Variants in SMAD4 observed in about 807,000 individuals in gnomAD.
SMAD4 encodes MAD homolog 4.
A neutral mutation model predicts 63.2 loss-of-function variants in SMAD4; 7 were observed. The ratio of observed to expected loss-of-function variants is 0.11; its 90% CI spans 0.06 to 0.21. The LOEUF is 0.21. Among genes scored for constraint, SMAD4 ranks in the 10% least tolerant of loss-of-function variants. SMAD4 has a pLI of 1.00. For missense variants in SMAD4, 312 were observed against 693.8 expected (o/e 0.45, Z 6.18); for synonymous variants, 215 against 235.4 (o/e 0.91, Z 0.79).
chr18:51,056,101 T>A (rs896621849), intron 5 of SMAD4, among the ~76,000 whole-genome samples: 8 of 152,222 alleles, frequency 5.3e-5, no homozygotes, highest in Non-Finnish European at 1.2e-4. Context: ...AGAACCCAGT[T>A]CCTTAATCAC....
chr18:51,054,860 A>T lies in SMAD4; in HGVS notation c.534A>T (p.Ser178=). The stretch of plus-strand genomic sequence containing the variant: ...CATCGTTGTCCACTGAAGGACATTC[A>T]ATTCAAACCATCCAGCATCCACCAA... ...GQPSLSTEGH[S]IQTIQHPPSN... The change falls in exon 5 of 12, where the codon TCA becomes TCT. Residue 178 remains serine, a synonymous_variant. Coordinates refer to ENST00000342988, the MANE Select transcript of SMAD4 (RefSeq NM_005359.6). 6.2e-7 allele frequency: 1 copy of T among 1,614,118 alleles called. No individual in the cohort carries two copies. Among genetic ancestry groups the T allele is most frequent in the Non-Finnish European group, 8.5e-7 (1 of 1,179,936 alleles).
Position 51,080,692 on chromosome 18 carries a change from C to G in SMAD4, c.*2225C>G, listed in dbSNP as rs1910592080. 1 of 175,016 alleles carries G rather than the reference C, an allele frequency of 5.7e-6. No individual in the cohort carries two copies. The highest frequency in any genetic ancestry group is 2.4e-5 in the African/African-American group (1 of 42,194). The allele number at this position is 175,016 out of a possible 1,614,324, so 10.8% of individuals were successfully genotyped here. ...TGGTAGCTAGGATTACAGGTGCCCG[C>G]CACCATGCCTGGCTAACTTTTGTAG... On this transcript the variant is annotated 3_prime_UTR_variant, in exon 12 of 12. Coordinates refer to ENST00000342988, the MANE Select transcript of SMAD4 (RefSeq NM_005359.6).
rs77337149 is a variant in SMAD4, at chr18:51,046,874, C to T, written c.-127-46C>T. 6.3e-3 allele frequency: 3,846 copies of T among 611,026 alleles called. 99 individuals carry two copies. The highest frequency in any genetic ancestry group is 0.054 in the African/African-American group (2,919 of 53,916). 37.9% of individuals were successfully genotyped at this position (611,026 alleles called of 1,614,324 possible). A position where few individuals can be genotyped will look rare whatever the true frequency, so the allele number is the denominator to read the frequency against. On this transcript the variant is annotated intron_variant, in intron 1 of 11. Transcript: ENST00000342988. ...TTTTCCCAAGTAGTCAGATCTACTT[C>T]GTAAAATGTGTTCTGATGTGTGTCT...
intron 7 of SMAD4, among the ~76,000 whole-genome samples, chr18:51,059,446 C>T (rs1909945075): frequency 6.6e-6 from 1 of 152,184 alleles, no homozygotes; most frequent in Admixed American, 6.5e-5. Flanking sequence ...TACCAGTTTT[C>T]AATTATGTTA....
chr18:51,044,150 G>A (rs887952047), intron 1 of SMAD4, among the ~76,000 whole-genome samples: 3 of 151,650 alleles, frequency 2.0e-5, no homozygotes, highest in Admixed American at 2.0e-4. Flanking sequence ...CCTCTTTCCC[G>A]ATTCCTTTCC....
At chr18:51,047,381 A>G (rs1468076926) in intron 2 of SMAD4, 86 bp downstream of exon 2, 2 of 1,216,288 alleles carry the variant, frequency 1.6e-6, no homozygotes, top group East Asian at 2.3e-5. Flanking sequence ...CTACAGGGTA[A>G]TTTAATTTGT....
At chr18:51,075,966 T>C (rs569481561) in intron 10 of SMAD4, among the ~76,000 whole-genome samples, 22 of 152,274 alleles carry the variant, frequency 1.4e-4, no homozygotes, top group South Asian at 6.2e-4. Flanking sequence ...GCCTTTTTTT[T>C]CCTTAAAAAT....
intron 5 of SMAD4, among the ~76,000 whole-genome samples, chr18:51,055,203 C>T (rs1909811173): frequency 6.6e-6 from 1 of 152,108 alleles, no homozygotes; most frequent in African/African-American, 2.4e-5. Context: ...AATTAATGAT[C>T]TGATTTATAC....
chr18:51,054,468 T>C, intron 4 of SMAD4: 1 of 344,144 alleles, frequency 2.9e-6, no homozygotes, highest in East Asian at 6.8e-5. Context: ...TAGGTGATTA[T>C]TCTTCTAGGT....
At chr18:51,037,799 T>C (rs954167395) in intron 1 of SMAD4, among the ~76,000 whole-genome samples, 2 of 152,190 alleles carry the variant, frequency 1.3e-5, no homozygotes, top group Admixed American at 6.5e-5. Flanking sequence ...ATTTGAGTAT[T>C]TGGCAGGTAA....
Position 51,082,218 on chromosome 18 carries a change from A to ATT in SMAD4, c.*3759_*3760dup, listed in dbSNP as rs202070730. On this transcript the variant is annotated 3_prime_UTR_variant, in exon 12 of 12. Coordinates refer to ENST00000342988, the MANE Select transcript of SMAD4 (RefSeq NM_005359.6). ...GGGTACACTCAGCTTAAAGTAATGC[A>ATT]TTTTTTTTTCCCGTAAAGGCAGAAT... 1 of 227,674 alleles carries ATT rather than the reference A, an allele frequency of 4.4e-6. No individual in the cohort carries two copies. Among genetic ancestry groups the ATT allele is most frequent in the Non-Finnish European group, 8.7e-6 (1 of 114,866 alleles). The allele number at this position is 227,674 out of a possible 1,614,324, so 14.1% of individuals were successfully genotyped here.
chr18:51,076,401 G>A (rs936563300), intron 10 of SMAD4, among the ~76,000 whole-genome samples: 2 of 152,152 alleles, frequency 1.3e-5, no homozygotes, highest in African/African-American at 2.4e-5. Flanking sequence ...AAGATACAGA[G>A]GCGTGTGGCA....
At chr18:51,053,531 TTGGAA>T (rs753890764) in intron 4 of SMAD4, 9 of 152,176 alleles carry the variant, frequency 5.9e-5, no homozygotes, top group Non-Finnish European at 1.0e-4. Flanking sequence ...AAGAGGAACT[TTGGAA>T]TGGGATTTAT....
chr18:51,046,844 T>G, intron 1 of SMAD4, 76 bp from the exon 2 acceptor site: 1 of 547,712 alleles, frequency 1.8e-6, no homozygotes, highest in South Asian at 2.7e-5. Flanking sequence ...CAGAGCAATT[T>G]CATCTTTTCC....
rs1257488246 is a variant in SMAD4 at position 51,084,008 on chromosome 18, G to GCC, written c.*5542_*5543insCC. The GCC allele has an allele frequency of 1.5e-5, 1 of 65,510 alleles. No homozygotes were observed. The highest frequency in any genetic ancestry group is 3.1e-5 in the Non-Finnish European group (1 of 32,382). 4.1% of individuals were successfully genotyped at this position (65,510 alleles called of 1,614,324 possible). On this transcript the variant is annotated 3_prime_UTR_variant, in exon 12 of 12. Coordinates refer to ENST00000342988, the MANE Select transcript of SMAD4 (RefSeq NM_005359.6). ...ACACTTAACGCGCGTGCGCACGCGC[G>GCC]CGCGCACACACACACACACACACAC...
Position 51,056,665 on chromosome 18 carries a change from A to G in SMAD4, c.668-1460A>G, listed in dbSNP as rs888244348. On this transcript the variant is annotated intron_variant, in intron 5 of 11. Coordinates refer to ENST00000342988, the MANE Select transcript of SMAD4 (RefSeq NM_005359.6). ...AAAAAGAGGGTTCCCTTAGGTCTCA[A>G]AAAGTATATTGATGAAAAGAAGTTG... Among the ~76,000 whole-genome samples, 6 of 151,686 alleles carry G rather than the reference A, an allele frequency of 4.0e-5. 1 individual carries two copies. Among genetic ancestry groups the G allele is most frequent in the Admixed American group, 3.3e-4 (5 of 15,236 alleles).
rs2144400315 is a variant in SMAD4, at chr18:51,047,071, A to C, written c.25A>C (p.Thr9Pro). The C allele has an allele frequency of 6.2e-7, 1 of 1,613,834 alleles. No individual in the cohort carries two copies. Among genetic ancestry groups the C allele is most frequent in the Non-Finnish European group, 8.5e-7 (1 of 1,179,724 alleles). Residue 9 changes from threonine (T) to proline (P), a missense_variant, in exon 2 of 12, where the codon ACA becomes CCA. By Grantham distance (38) the Thr-to-Pro change is conservative. Around this residue, in one of 4 missense-constraint regions of SMAD4, gnomAD observed 37 missense variants for 87.3 expected, o/e 0.42. Coordinates refer to ENST00000342988, the MANE Select transcript of SMAD4 (RefSeq NM_005359.6). MDNMSITNTPTSNDACLSI... is the reference protein window; with the variant it reads MDNMSITNPPTSNDACLSI... ...AATGGACAATATGTCTATTACGAATACACCAACAAGTAATGATGCCTGTCT... is the reference window on the plus strand; with the variant it reads ...AATGGACAATATGTCTATTACGAATCCACCAACAAGTAATGATGCCTGTCT...
At chr18:51,068,348 G>T (rs932106688) in intron 10 of SMAD4, among the ~76,000 whole-genome samples, 11 of 151,944 alleles carry the variant, frequency 7.2e-5, no homozygotes, top group Non-Finnish European at 1.2e-4. Context: ...TTTTTTCCTG[G>T]AGTCGTTGAA....
intron 1 of SMAD4, chr18:51,044,873 A>T (rs1909494065): frequency 6.6e-6 from 1 of 152,152 alleles, no homozygotes; most frequent in Non-Finnish European, 1.5e-5. Flanking sequence ...TTGACTCCAA[A>T]ATCTCCCATG....
Sources: allele counts gnomAD v4.1 joint callset (sites outside exome capture counted in the v4.1 genomes callset), GRCh38; gene constraint gnomAD v4.1.1; regional missense constraint gnomAD v4.1.1; transcripts MANE v1.5; gene names NCBI Gene and HGNC (gene_info 2026-07-23, HGNC 2026-07-21).